Variants in TRIM33 observed in about 807,000 individuals in gnomAD.
TRIM33 encodes the protein E3 ubiquitin-protein ligase TRIM33.
A neutral mutation model predicts 125.4 loss-of-function variants in TRIM33; 20 were observed. The observed-to-expected ratio is 0.16, with a 90% CI of 0.11 to 0.23. TRIM33 has a LOEUF of 0.23. Ranked by LOEUF, TRIM33 falls within the 10% of genes least tolerant of loss-of-function variation. The pLI, the probability that TRIM33 is intolerant of heterozygous loss-of-function variation, is 1.00. For missense variants in TRIM33, 920 were observed against 1,411.4 expected, an observed-to-expected ratio of 0.65 and a Z score of 5.58; for synonymous variants, 564 against 513.9, an observed-to-expected ratio of 1.10 and a Z score of -1.32.
intron 1 of TRIM33, among the ~76,000 whole-genome samples, chr1:114,471,044 C>T (rs1650608483): frequency 6.6e-6 from 1 of 152,194 alleles, no homozygotes; most frequent in South Asian, 2.1e-4. Flanking sequence ...AGCAATCCTC[C>T]CGCATAGGCC....
At chr1:114,479,346 G>C (rs1651161384) in intron 1 of TRIM33, among the ~76,000 whole-genome samples, 1 of 152,052 alleles carries the variant, frequency 6.6e-6, no homozygotes, top group African/African-American at 2.4e-5. Flanking sequence ...AACACGAAAT[G>C]AATCAAACCA....
chr1:114,462,758 A>C (rs1176085687), intron 4 of TRIM33, among the ~76,000 whole-genome samples: 1 of 152,214 alleles, frequency 6.6e-6, no homozygotes, highest in Non-Finnish European at 1.5e-5. Context: ...GATGTTTAAA[A>C]GAATACTGCT....
rs545676705 is a variant in TRIM33, at chr1:114,508,572, AT to A, written c.526+1978del. Among the ~76,000 whole-genome samples, 1,327 of 152,164 alleles carry A rather than the reference AT, an allele frequency of 8.7e-3. 9 individuals carry two copies. The highest frequency in any genetic ancestry group is 0.013 in the Non-Finnish European group (891 of 67,988). On this transcript the variant is annotated intron_variant, in intron 1 of 19. Transcript: ENST00000358465. The stretch of plus-strand genomic sequence containing the variant: ...ACCAATAATGCTAGAAACCCAAAAC[AT>A]CCCAATCTGAAAACATTTTATCCTC...
chr1:114,416,767 G>T (rs1360958480), intron 11 of TRIM33, among the ~76,000 whole-genome samples: 1 of 152,170 alleles, frequency 6.6e-6, no homozygotes, highest in Non-Finnish European at 1.5e-5. Flanking sequence ...TTCTCCATGT[G>T]AATTCTTAAT....
intron 17 of TRIM33, 42 bp downstream of exon 17, chr1:114,401,347 T>C (rs1261569020): frequency 6.4e-7 from 1 of 1,559,722 alleles, no homozygotes; most frequent in African/African-American, 1.4e-5. Flanking sequence ...CTCTTAAGTA[T>C]TATGAGACTT....
chr1:114,483,257 C>T (rs568510849), intron 1 of TRIM33, among the ~76,000 whole-genome samples: 4 of 151,972 alleles, frequency 2.6e-5, no homozygotes, highest in South Asian at 2.1e-4. Context: ...CAGAGAGCTG[C>T]GATCACACCA....
intron 4 of TRIM33, among the ~76,000 whole-genome samples, chr1:114,436,981 T>C (rs60416895): frequency 0.017 from 2,529 of 152,320 alleles, 60 homozygotes; most frequent in African/African-American, 0.052. Flanking sequence ...AACAATCTTT[T>C]TGAAGAATTT....
At chr1:114,449,428 G>A (rs1649184089) in intron 4 of TRIM33, among the ~76,000 whole-genome samples, 1 of 152,220 alleles carries the variant, frequency 6.6e-6, no homozygotes, top group Admixed American at 6.5e-5. Context: ...ACGTCTGGGA[G>A]TGTGGCACTT....
chr1:114,437,042 T>C (rs950870559), intron 4 of TRIM33, among the ~76,000 whole-genome samples: 1 of 152,220 alleles, frequency 6.6e-6, no homozygotes, highest in South Asian at 2.1e-4. Flanking sequence ...AGTATCAAAA[T>C]TCACAAAATT....
At chr1:114,484,436 G>A (rs951062060) in intron 1 of TRIM33, among the ~76,000 whole-genome samples, 3 of 152,134 alleles carry the variant, frequency 2.0e-5, no homozygotes, top group African/African-American at 7.2e-5. Context: ...CTTTAAAAAT[G>A]TGTGTTTAGG....
chr1:114,452,594 T>C (rs146325825), intron 4 of TRIM33, among the ~76,000 whole-genome samples: 32 of 151,954 alleles, frequency 2.1e-4, no homozygotes, highest in Non-Finnish European at 3.8e-4. Flanking sequence ...AATTGCAAAG[T>C]TGACTCAAGA....
chr1:114,401,359 C>T, intron 17 of TRIM33, 30 bp downstream of exon 17: 1 of 1,591,500 alleles, frequency 6.3e-7, no homozygotes, highest in Non-Finnish European at 8.6e-7. Context: ...ATGAGACTTC[C>T]CCACCGAGCT....
intron 6 of TRIM33, among the ~76,000 whole-genome samples, 172 bp from the exon 7 acceptor site, chr1:114,428,066 G>A (rs529390941): frequency 1.3e-5 from 2 of 152,272 alleles, no homozygotes; most frequent in Non-Finnish European, 2.9e-5. Flanking sequence ...TAACAAAAGT[G>A]GGACTAAAAG....
intron 4 of TRIM33, among the ~76,000 whole-genome samples, chr1:114,453,388 G>C (rs1649437407): frequency 6.6e-6 from 1 of 150,774 alleles, no homozygotes; most frequent in Non-Finnish European, 1.5e-5. Context: ...AAGATACAAA[G>C]AGGTGAACTC....
chr1:114,423,431 G>T (rs7544820), intron 10 of TRIM33, among the ~76,000 whole-genome samples: 1 of 151,836 alleles, frequency 6.6e-6, no homozygotes, highest in Admixed American at 6.6e-5. Flanking sequence ...TAATGCAAAG[G>T]TTTTTTTAAC....
chr1:114,490,270 G>A lies in TRIM33; in HGVS notation c.526+20281C>T, dbSNP rs138939594. Reference sequence around the variant, plus strand: ...ATTTCATCAGAGAAGATATACTAATGGTCAATAAGTGCAAAAGAAAATGCT... The same window carrying A: ...ATTTCATCAGAGAAGATATACTAATAGTCAATAAGTGCAAAAGAAAATGCT... On this transcript the variant is annotated intron_variant, in intron 1 of 19. Transcript: ENST00000358465. Among the ~76,000 whole-genome samples the A allele has an allele frequency of 6.8e-3, 1,033 of 152,056 alleles. 7 individuals carry two copies. The highest frequency in any genetic ancestry group is 0.015 in the African/African-American group (634 of 41,476).
chr1:114,426,348 T>A (rs1647579741), intron 8 of TRIM33, among the ~76,000 whole-genome samples: 1 of 152,158 alleles, frequency 6.6e-6, no homozygotes, highest in African/African-American at 2.4e-5. Flanking sequence ...CCACATAAGA[T>A]CTGTCTCACA....
At chr1:114,464,903 C>T (rs73007263) in intron 1 of TRIM33, among the ~76,000 whole-genome samples, 9,611 of 152,176 alleles carry the variant, frequency 0.063, 325 homozygotes, top group African/African-American at 0.086. Flanking sequence ...AGACAGGCAA[C>T]CACTAGAAGC....
intron 11 of TRIM33, among the ~76,000 whole-genome samples, chr1:114,411,037 ATTC>A (rs1187389296): frequency 5.9e-5 from 9 of 152,130 alleles, no homozygotes; most frequent in Non-Finnish European, 1.3e-4. Flanking sequence ...AAATGGTCAT[ATTC>A]TTCTTTTATT....
Sources: gnomAD v4.1 joint callset for allele counts (sites outside exome capture counted in the v4.1 genomes callset) on GRCh38, gnomAD v4.1.1 for gene constraint, MANE v1.5 for transcripts, NCBI Gene and HGNC (gene_info 2026-07-23, HGNC 2026-07-21) for gene names.